TRIM35: variants seen among roughly 807,000 people sequenced by gnomAD.
TRIM35 encodes the protein E3 ubiquitin-protein ligase TRIM35.
In TRIM35, 37 loss-of-function variants were observed where a neutral mutation model predicts 49.1. The ratio of observed to expected loss-of-function variants is 0.75; its 90% CI spans 0.58 to 0.99. The LOEUF (loss-of-function observed/expected upper bound fraction) is 0.99, where lower values mean the gene tolerates loss of function less well. Ranked by LOEUF, TRIM35 falls within the 50% of genes least tolerant of loss-of-function variation. The pLI, the probability that TRIM35 is intolerant of heterozygous loss-of-function variation, is 0.00. For synonymous variants in TRIM35, 302 were observed against 289.3 expected (o/e 1.04, Z -0.45); for missense variants, 648 against 702.7 (o/e 0.92, Z 0.88).
In TRIM35 at chr8:27,293,904, C is replaced by T. The variant is rs1563439242; in HGVS notation, c.762+176G>A. The stretch of plus-strand genomic sequence containing the variant: ...TAACAGGGTTTCAAGGAACTCCGCC[C>T]TGATAAGTCTTTTTAGTTTCATGAC... On this transcript the variant is annotated intron_variant, in intron 3 of 5. Coordinates refer to ENST00000305364, the MANE Select transcript of TRIM35 (RefSeq NM_171982.5). The T allele has an allele frequency of 6.5e-6, 4 of 614,418 alleles. No homozygotes were observed. The East Asian group carries it at 1.1e-4, about 17-fold the overall frequency. The allele number at this position is 614,418 out of a possible 1,614,324, so 38.1% of individuals were successfully genotyped here. A position where few individuals can be genotyped will look rare whatever the true frequency, so the allele number is the denominator to read the frequency against.
chr8:27,299,785 G>C (rs1271061718), intron 1 of TRIM35, among the ~76,000 whole-genome samples: 1 of 152,186 alleles, frequency 6.6e-6, no homozygotes, highest in African/African-American at 2.4e-5. Context: ...GAGATGTTTG[G>C]AGAGCTTGGG....
chr8:27,286,294 A>G lies in TRIM35; in HGVS notation c.*1256T>C. On this transcript the variant is annotated 3_prime_UTR_variant, in exon 6 of 6. Coordinates refer to ENST00000305364, the MANE Select transcript of TRIM35 (RefSeq NM_171982.5). Reference sequence around the variant, plus strand: ...AATTAGGGATGAAATCGCAAGTGGCAGAGCAAGCATGACCAGGCTGAAGTC... The same window carrying G: ...AATTAGGGATGAAATCGCAAGTGGCGGAGCAAGCATGACCAGGCTGAAGTC... 1 of 415,252 alleles carries G rather than the reference A, an allele frequency of 2.4e-6. No individual in the cohort carries two copies. The allele number at this position is 415,252 out of a possible 1,614,324, so 25.7% of individuals were successfully genotyped here. A position where few individuals can be genotyped will look rare whatever the true frequency, so the allele number is the denominator to read the frequency against.
Position 27,298,329 on chromosome 8 carries a change from G to A in TRIM35, c.531+135C>T, listed in dbSNP as rs575482416. The A allele has an allele frequency of 7.2e-5, 54 of 748,550 alleles. 1 individual carries two copies. In the African/African-American group the frequency reaches 8.0e-4, roughly 11 times the overall value. The allele number at this position is 748,550 out of a possible 1,614,324, so 46.4% of individuals were successfully genotyped here. On this transcript the variant is annotated intron_variant, in intron 2 of 5. Coordinates refer to ENST00000305364, the MANE Select transcript of TRIM35 (RefSeq NM_171982.5). The stretch of plus-strand genomic sequence containing the variant: ...CAGCATCCAGGACGTGGCTGCACAG[G>A]ACCATCAGAGGTAAGGCAGCCGACC...
At chr8:27,290,450 GTTA>G (rs1240088147) in intron 3 of TRIM35, among the ~76,000 whole-genome samples, 6 of 152,166 alleles carry the variant, frequency 3.9e-5, no homozygotes, top group South Asian at 2.1e-4. Context: ...GATTAATACC[GTTA>G]TTGTGAAGTG....
intron 1 of TRIM35, among the ~76,000 whole-genome samples, chr8:27,299,210 T>C (rs1478411584): frequency 1.3e-5 from 2 of 152,216 alleles, no homozygotes; most frequent in African/African-American, 4.8e-5. Context: ...TTAATGATTG[T>C]TTCTGATGTC....
In TRIM35 at chr8:27,287,790, G is replaced by C. The variant is rs750965412; in HGVS notation, c.1242C>G (p.Asp414Glu). 2.5e-5 allele frequency: 40 copies of C among 1,610,546 alleles called. No homozygotes were observed. The South Asian group carries it at 4.2e-4, about 17-fold the overall frequency. Residue 414 changes from aspartate to glutamate, a missense_variant, in exon 6 of 6, where the codon GAC becomes GAG. Coordinates refer to ENST00000305364, the MANE Select transcript of TRIM35 (RefSeq NM_171982.5). The surrounding 1 kb of genome is among the most constrained non-coding windows in gnomAD (Gnocchi z 6.0). ...CCAGGACCAGGGGCGACGTGGCTGG[G>C]TCCGAGGTCACGCAGTGGTCCCCCT... ...GVEGDHCVTS[D>E]PATSPLVLAI... is the part of the protein sequence containing the mutation.
chr8:27,301,017 T>C (rs1400764450), intron 1 of TRIM35, among the ~76,000 whole-genome samples: 1 of 152,228 alleles, frequency 6.6e-6, no homozygotes, highest in Non-Finnish European at 1.5e-5. Context: ...GGGAAGGGGA[T>C]AGTCCCTTGA....
chr8:27,287,456 AG>A lies in TRIM35; in HGVS notation c.*93del. On this transcript the variant is annotated 3_prime_UTR_variant, in exon 6 of 6. Transcript: ENST00000305364. The surrounding 1 kb of genome is among the most constrained non-coding windows in gnomAD (Gnocchi z 6.0). ...AGGAGGAAGAGCCTGGCAAGGAGGC[AG>A]GGGCGCAATAGTGCCCAAGCAGTGT... 7.7e-7 allele frequency: 1 copy of A among 1,291,248 alleles called. No individual in the cohort carries two copies. Among genetic ancestry groups the A allele is most frequent in the Non-Finnish European group, 1.1e-6 (1 of 951,372 alleles). 80.0% of individuals were successfully genotyped at this position (1,291,248 alleles called of 1,614,324 possible).
intron 1 of TRIM35, among the ~76,000 whole-genome samples, chr8:27,305,759 A>C (rs1802771040): frequency 6.6e-6 from 1 of 152,224 alleles, no homozygotes; most frequent in Non-Finnish European, 1.5e-5. Flanking sequence ...GCAGCTCAGC[A>C]CAGGGCTGCT....
At chr8:27,310,098 G>C (rs1802886919) in intron 1 of TRIM35, among the ~76,000 whole-genome samples, 1 of 152,114 alleles carries the variant, frequency 6.6e-6, no homozygotes, top group Non-Finnish European at 1.5e-5. Context: ...AAAATGCATT[G>C]CTTCCTATGG....
At chr8:27,304,755 A>G in intron 1 of TRIM35, 1 of 445,672 alleles carries the variant, frequency 2.2e-6, no homozygotes, top group Non-Finnish European at 4.5e-6. Flanking sequence ...TTTTTCTGCT[A>G]TATACCTTGC....
At chr8:27,297,784 T>C (rs776119706) in intron 2 of TRIM35, among the ~76,000 whole-genome samples, 12 of 152,256 alleles carry the variant, frequency 7.9e-5, no homozygotes, top group South Asian at 4.1e-4. Flanking sequence ...AAGACTTAGT[T>C]TGCTTAAGGG....
chr8:27,285,408 A>G lies in TRIM35; in HGVS notation c.*2142T>C, dbSNP rs1326678237. On this transcript the variant is annotated 3_prime_UTR_variant, in exon 6 of 6. Transcript: ENST00000305364. ...ATGTCCACACAAAAACTCATACACAAAAGTTCCTAGCAGCATTATGTATAA... is the reference window on the plus strand; with the variant it reads ...ATGTCCACACAAAAACTCATACACAGAAGTTCCTAGCAGCATTATGTATAA... 2 of 152,252 alleles carry G rather than the reference A, an allele frequency of 1.3e-5. No homozygotes were observed. The highest frequency in any genetic ancestry group is 1.5e-5 in the Non-Finnish European group (1 of 68,046). 9.4% of individuals were successfully genotyped at this position (152,252 alleles called of 1,614,324 possible).
intron 2 of TRIM35, among the ~76,000 whole-genome samples, chr8:27,296,014 G>A (rs564353527): frequency 3.5e-4 from 54 of 152,256 alleles, no homozygotes; most frequent in African/African-American, 1.2e-3. Context: ...AAGCATAAAT[G>A]ACTATTATGC....
At chr8:27,304,716 C>T (rs1802748220) in intron 1 of TRIM35, 1 of 405,058 alleles carries the variant, frequency 2.5e-6, no homozygotes, top group Non-Finnish European at 4.8e-6. Flanking sequence ...ACCACCTGCC[C>T]AGTCAATGAG....
chr8:27,299,578 C>T (rs150627168), intron 1 of TRIM35, among the ~76,000 whole-genome samples: 1 of 152,314 alleles, frequency 6.6e-6, no homozygotes, highest in African/African-American at 2.4e-5. Flanking sequence ...TGAACCTGGA[C>T]AGCTATGGAG....
At position 27,294,222 on chromosome 8, in the gene TRIM35, T is replaced by C; in HGVS notation, c.620A>G (p.Asp207Gly). The C allele has an allele frequency of 1.2e-6, 2 of 1,614,210 alleles. No individual in the cohort carries two copies. The highest frequency in any genetic ancestry group is 1.7e-6 in the Non-Finnish European group (2 of 1,180,038). Residue 207 changes from aspartate (D) to glycine (G), a missense_variant, in exon 3 of 6, where the codon GAT becomes GGT. By Grantham distance (94) the Asp-to-Gly change is moderately conservative. Transcript: ENST00000305364. ...FLRVEEQAIL[D>G]AMAEETRQKQ... ...CTGCCTTGTCTCCTCGGCCATGGCA[T>C]CCAGAATGGCCTGCTCCTCCACTCT...
chr8:27,310,784 C>T lies in TRIM35; in HGVS notation c.435+17G>A, dbSNP rs201950066. The T allele has an allele frequency of 2.6e-6, 4 of 1,558,842 alleles. No homozygotes were observed. The East Asian group carries it at 6.8e-5, about 27-fold the overall frequency. On this transcript the variant is annotated intron_variant, in intron 1 of 5. Transcript: ENST00000305364. The stretch of plus-strand genomic sequence containing the variant: ...CCAGACCCGGCTCGGCCGCCTCGTG[C>T]AAATCGCTGCTCTTACCCGAAAGTC...
chr8:27,291,058 C>CAAAA (rs56953962), intron 3 of TRIM35, among the ~76,000 whole-genome samples: 18 of 50,602 alleles, frequency 3.6e-4, no homozygotes, highest in Non-Finnish European at 4.9e-4. Flanking sequence ...TGTTGACATG[C>CAAAA]AAAAAAAAAA....
Sources: gnomAD v4.1 joint callset for allele counts (sites outside exome capture counted in the v4.1 genomes callset) on GRCh38, gnomAD v4.1.1 for gene constraint, Gnocchi (gnomAD v3.1) non-coding constraint, MANE v1.5 for transcripts, NCBI Gene and HGNC (gene_info 2026-07-23, HGNC 2026-07-21) for gene names.